The following METTL25 variants were observed in gnomAD, a reference collection of about 807,000 sequenced individuals.
The protein encoded by METTL25 is probable methyltransferase-like protein 25.
Under a neutral mutation model 71.6 loss-of-function variants are expected in METTL25, and 64 were observed. That is an observed-to-expected ratio of 0.89 (90% confidence interval 0.73 to 1.10). The LOEUF is 1.10. Among genes scored for constraint, METTL25 ranks in the 50% least tolerant of loss-of-function variants. The pLI is 0.00. For synonymous variants in METTL25, 287 were observed against 250.3 expected (o/e 1.15, Z -1.38); for missense variants, 807 against 707.0 (o/e 1.14, Z -1.60).
chr12:82,389,715 T>C (rs1885391118), intron 2 of METTL25, 101 bp from the exon 3 acceptor site: 7 of 671,128 alleles, frequency 1.0e-5, no homozygotes, highest in Middle Eastern at 4.3e-4. Flanking sequence ...AGAATCTCTG[T>C]ATTATTTTCC....
At position 82,403,145 on chromosome 12, in the gene METTL25, T is replaced by C. The variant is rs773323795; in HGVS notation, c.1279+15T>C. On this transcript the variant is annotated intron_variant, in intron 5 of 11. Transcript: ENST00000248306. ...CCAGCATAAAGGTACAAGTTCCCCA[T>C]GTGTCATAATTTTTATTCATTTGAG... 2.5e-6 allele frequency: 4 copies of C among 1,597,674 alleles called. No homozygotes were observed. The highest frequency in any genetic ancestry group is 2.6e-6 in the Non-Finnish European group (3 of 1,174,488).
At chr12:82,389,550 A>C (rs1885377526) in intron 2 of METTL25, among the ~76,000 whole-genome samples, 1 of 152,000 alleles carries the variant, frequency 6.6e-6, no homozygotes, top group South Asian at 2.1e-4. Flanking sequence ...TTTTGATGAA[A>C]AATTTCTTTT....
At chr12:82,470,396 G>T (rs1031106022) in intron 9 of METTL25, among the ~76,000 whole-genome samples, 2 of 152,130 alleles carry the variant, frequency 1.3e-5, no homozygotes, top group African/African-American at 4.8e-5. Flanking sequence ...TATTTTACCA[G>T]TCAAAAGAAG....
chr12:82,405,495 T>A lies in METTL25; in HGVS notation c.1279+2365T>A, dbSNP rs375800938. On this transcript the variant is annotated intron_variant, in intron 5 of 11. Coordinates refer to ENST00000248306, the MANE Select transcript of METTL25 (RefSeq NM_032230.3). ...TCTGATGTTGGATTCTTCAATCTCA[T>A]ACTTAAAAAAAGTAGCAGAAGTTAC... Among the ~76,000 whole-genome samples, 4 of 152,172 alleles carry A rather than the reference T, an allele frequency of 2.6e-5. No homozygotes were observed. In the East Asian group the frequency reaches 5.8e-4, roughly 22 times the overall value.
At chr12:82,464,942 A>G (rs956500102) in intron 9 of METTL25, among the ~76,000 whole-genome samples, 4 of 151,434 alleles carry the variant, frequency 2.6e-5, no homozygotes, top group Non-Finnish European at 4.4e-5. Flanking sequence ...TAATTTTTGT[A>G]TGTTGATTTT....
At chr12:82,473,225 G>A (rs990514666) in intron 9 of METTL25, among the ~76,000 whole-genome samples, 7 of 152,166 alleles carry the variant, frequency 4.6e-5, no homozygotes, top group African/African-American at 9.7e-5. Flanking sequence ...GGGTCAGCCA[G>A]CTTGGAGCTG....
intron 1 of METTL25, among the ~76,000 whole-genome samples, chr12:82,369,039 A>G (rs1232963250): frequency 2.0e-5 from 3 of 152,174 alleles, no homozygotes; most frequent in Non-Finnish European, 4.4e-5. Flanking sequence ...TACTTTAGCC[A>G]CTTTGTTCTC....
chr12:82,416,507 G>A (rs1241066511), intron 5 of METTL25, among the ~76,000 whole-genome samples: 1 of 142,312 alleles, frequency 7.0e-6, no homozygotes, highest in African/African-American at 2.6e-5. Context: ...GCAGTATCAT[G>A]ATCATGGTTC....
chr12:82,376,249 T>G (rs1883840671), intron 1 of METTL25, among the ~76,000 whole-genome samples: 1 of 152,228 alleles, frequency 6.6e-6, no homozygotes, highest in Admixed American at 6.5e-5. Context: ...CTCATACAAA[T>G]TTTTAAACTC....
chr12:82,453,074 A>G (rs1222768324), intron 8 of METTL25, among the ~76,000 whole-genome samples: 5 of 152,212 alleles, frequency 3.3e-5, no homozygotes, highest in Admixed American at 1.3e-4. Flanking sequence ...TTTGGAAATC[A>G]TAAACATACT....
At chr12:82,447,961 G>A (rs1438852067) in intron 8 of METTL25, among the ~76,000 whole-genome samples, 2 of 151,978 alleles carry the variant, frequency 1.3e-5, no homozygotes, top group East Asian at 1.9e-4. Context: ...AAGTCATATA[G>A]CCTGAAAGAA....
intron 9 of METTL25, among the ~76,000 whole-genome samples, chr12:82,461,220 G>A (rs1891855538): frequency 6.6e-6 from 1 of 152,084 alleles, no homozygotes; most frequent in African/African-American, 2.4e-5. Context: ...GAAATTCTCT[G>A]TCCTATTTTC....
intron 1 of METTL25, among the ~76,000 whole-genome samples, chr12:82,364,944 CACT>C (rs1433535069): frequency 6.6e-6 from 1 of 152,108 alleles, no homozygotes; most frequent in Non-Finnish European, 1.5e-5. Context: ...TTGTCTTTTT[CACT>C]ATTTTCAGCA....
At chr12:82,465,647 T>C (rs945496920) in intron 9 of METTL25, among the ~76,000 whole-genome samples, 2 of 152,030 alleles carry the variant, frequency 1.3e-5, no homozygotes, top group Non-Finnish European at 2.9e-5. Context: ...CCCTACACTT[T>C]AATTTTTTGC....
chr12:82,410,561 G>A (rs767698587), intron 5 of METTL25, among the ~76,000 whole-genome samples: 12 of 152,088 alleles, frequency 7.9e-5, no homozygotes, highest in Admixed American at 2.0e-4. Context: ...TCCTGCTACA[G>A]TTCAGCTAGA....
At chr12:82,428,352 G>A (rs75984356) in intron 5 of METTL25, among the ~76,000 whole-genome samples, 1,578 of 151,826 alleles carry the variant, frequency 0.01, 11 homozygotes, top group Admixed American at 0.018. Flanking sequence ...TTATTGGTTA[G>A]TAATAAACCA....
intron 5 of METTL25, among the ~76,000 whole-genome samples, chr12:82,423,482 G>A (rs919172056): frequency 6.6e-6 from 1 of 152,166 alleles, no homozygotes; most frequent in African/African-American, 2.4e-5. Context: ...ATAGGCATGG[G>A]CAAGGACTTT....
At chr12:82,427,551 G>C (rs1029726621) in intron 5 of METTL25, among the ~76,000 whole-genome samples, 3 of 151,880 alleles carry the variant, frequency 2.0e-5, no homozygotes, top group Non-Finnish European at 2.9e-5. Context: ...TCTGCCTGGA[G>C]AGTAACTATA....
chr12:82,478,824 A>T, intron 11 of METTL25, 108 bp from the exon 12 acceptor site: 2 of 838,916 alleles, frequency 2.4e-6, no homozygotes. Flanking sequence ...TTTCTGTGAA[A>T]CAGCTTTGTT....
Sources: gnomAD v4.1 joint callset for allele counts (sites outside exome capture counted in the v4.1 genomes callset) on GRCh38, gnomAD v4.1.1 for gene constraint, MANE v1.5 for transcripts, NCBI Gene and HGNC (gene_info 2026-07-23, HGNC 2026-07-21) for gene names.